The following NAALADL2 variants were observed in gnomAD, a reference collection of about 807,000 sequenced individuals.
The protein encoded by NAALADL2 is N-acetylated alpha-linked acidic dipeptidase like 2, also known as inactive N-acetylated-alpha-linked acidic dipeptidase-like protein 2.
A neutral mutation model predicts 87.2 loss-of-function variants in NAALADL2; 76 were observed. The observed-to-expected ratio is 0.87, with a 90% confidence interval of 0.72 to 1.05. The LOEUF is 1.05. Among genes scored for constraint, NAALADL2 ranks in the 50% least tolerant of loss-of-function variants. NAALADL2 has a pLI of 0.00. For missense variants in NAALADL2, 1,089 were observed against 945.8 expected (o/e 1.15, Z -1.99); for synonymous variants, 354 against 331.0 (o/e 1.07, Z -0.75).
chr3:175,549,834 A>C (rs1176765701), intron 9 of NAALADL2, among the ~76,000 whole-genome samples: 1 of 152,062 alleles, frequency 6.6e-6, no homozygotes, highest in Non-Finnish European at 1.5e-5. Flanking sequence ...TCAATCACTG[A>C]CTGGGGCCTG....
chr3:175,743,894 T>A (rs1745583346), intron 12 of NAALADL2, among the ~76,000 whole-genome samples: 1 of 152,216 alleles, frequency 6.6e-6, no homozygotes, highest in South Asian at 2.1e-4. Flanking sequence ...TATCTCTATG[T>A]GGATATTGAC....
chr3:175,611,394 T>C (rs1440105091), intron 10 of NAALADL2, among the ~76,000 whole-genome samples: 1 of 152,126 alleles, frequency 6.6e-6, no homozygotes, highest in Non-Finnish European at 1.5e-5. Context: ...AAACAGTTTT[T>C]CTATTTTTTT....
At chr3:175,506,872 C>A (rs1205091479) in intron 9 of NAALADL2, among the ~76,000 whole-genome samples, 1 of 152,078 alleles carries the variant, frequency 6.6e-6, no homozygotes, top group African/African-American at 2.4e-5. Context: ...TACCTTTTAG[C>A]CTCACTTGCT....
Position 175,330,438 on chromosome 3 carries a change from G to T in NAALADL2, c.1090+6113G>T, listed in dbSNP as rs189694240. Among the ~76,000 whole-genome samples the T allele has an allele frequency of 6.0e-3, 728 of 122,156 alleles. 2 individuals are homozygous for T. Among genetic ancestry groups the T allele is most frequent in the Non-Finnish European group, 7.7e-3 (470 of 60,648 alleles). The allele number at this position is 122,156 out of a possible 152,430, so 80.1% of individuals were successfully genotyped here. A position where few individuals can be genotyped will look rare whatever the true frequency, so the allele number is the denominator to read the frequency against. Reference sequence around the variant, plus strand: ...AGCCTTGGTTACAGAGCTAGACTCTGTCTTAAAAAAAAAAAAATTGAAATC... The same window carrying T: ...AGCCTTGGTTACAGAGCTAGACTCTTTCTTAAAAAAAAAAAAATTGAAATC... On this transcript the variant is annotated intron_variant, in intron 5 of 13. Transcript: ENST00000454872.
At chr3:175,525,721 T>A (rs1335144768) in intron 9 of NAALADL2, among the ~76,000 whole-genome samples, 2 of 152,114 alleles carry the variant, frequency 1.3e-5, no homozygotes, top group Non-Finnish European at 2.9e-5. Flanking sequence ...TATATAAATG[T>A]TTTCCTATAA....
chr3:175,066,099 T>C (rs1240799804), intron 1 of NAALADL2, among the ~76,000 whole-genome samples: 1 of 152,144 alleles, frequency 6.6e-6, no homozygotes, highest in Non-Finnish European at 1.5e-5. Flanking sequence ...TCCTGAAATG[T>C]AGCCACTCTG....
chr3:175,524,302 T>C (rs1560701569), intron 9 of NAALADL2, among the ~76,000 whole-genome samples: 1 of 152,196 alleles, frequency 6.6e-6, no homozygotes, highest in Admixed American at 6.5e-5. Context: ...AATATTAGAT[T>C]ATCTAGAGCA....
intron 5 of NAALADL2, among the ~76,000 whole-genome samples, chr3:175,410,877 T>G (rs1713384288): frequency 6.6e-6 from 1 of 152,140 alleles, no homozygotes; most frequent in Non-Finnish European, 1.5e-5. Context: ...CCCTCTTTTT[T>G]GCAAAGAGTA....
chr3:175,153,374 A>G (rs1206886045), intron 2 of NAALADL2, among the ~76,000 whole-genome samples: 3 of 152,144 alleles, frequency 2.0e-5, no homozygotes, highest in Non-Finnish European at 4.4e-5. Context: ...CTTACCCACA[A>G]GCAGTTAAGG....
chr3:175,085,315 T>C (rs1315160118), intron 1 of NAALADL2, among the ~76,000 whole-genome samples: 2 of 152,186 alleles, frequency 1.3e-5, no homozygotes, highest in Non-Finnish European at 2.9e-5. Flanking sequence ...TTGTGTGCTG[T>C]TTTTCCTGTT....
At chr3:175,602,454 GTATC>G (rs1484660066) in intron 10 of NAALADL2, among the ~76,000 whole-genome samples, 2 of 77,172 alleles carry the variant, frequency 2.6e-5, no homozygotes, top group Admixed American at 1.5e-4. Context: ...TTGTATGTGT[GTATC>G]TATATATATA....
At position 175,087,253 on chromosome 3, in the gene NAALADL2, C is replaced by T. The variant is rs1444055907; in HGVS notation, c.44-9537C>T. 7.9e-5 allele frequency among the ~76,000 whole-genome samples: 12 copies of T among 152,172 alleles called. No individual in the cohort carries two copies. The East Asian group carries it at 2.3e-3, about 30-fold the overall frequency. ...TGAGGAAGGTGGGGGGCAGCCCCTG[C>T]CCGGCCAGCTGCCCTGCCCGGGAGG... On this transcript the variant is annotated intron_variant, in intron 1 of 13. Coordinates refer to ENST00000454872, the MANE Select transcript of NAALADL2 (RefSeq NM_207015.3).
chr3:175,766,741 C>T (rs189499200), intron 13 of NAALADL2, among the ~76,000 whole-genome samples: 245 of 152,190 alleles, frequency 1.6e-3, no homozygotes, highest in Admixed American at 3.0e-3. Flanking sequence ...TTTCTTTGTA[C>T]TGAAGCACCT....
At chr3:174,801,673 C>G (rs1382958402) in intron 3 of NAALADL2, among the ~76,000 whole-genome samples, 1 of 151,928 alleles carries the variant, frequency 6.6e-6, no homozygotes, top group Non-Finnish European at 1.5e-5. Context: ...TCCTTCTATT[C>G]CTGGTATTTT....
intron 1 of NAALADL2, among the ~76,000 whole-genome samples, chr3:174,888,108 T>A (rs911245882): frequency 6.6e-6 from 1 of 152,154 alleles, no homozygotes; most frequent in Non-Finnish European, 1.5e-5. Context: ...AATGTGAGGA[T>A]CACGGGAAAA....
rs1272535418 is a variant in NAALADL2, at chr3:174,698,678, A to C, written c.-114-38963A>C. ...AGGAGATCGAGACCATCCCGGCTAA[A>C]ATGGTGAAACCCCGTCTCTACTAAA... On this transcript the variant is annotated intron_variant, in intron 2 of 3. Transcript: ENST00000434257. Among the ~76,000 whole-genome samples, 11 of 104,786 alleles carry C rather than the reference A, an allele frequency of 1.0e-4. 1 individual carries two copies. Among genetic ancestry groups the C allele is most frequent in the African/African-American group, 1.1e-4 (2 of 17,640 alleles). 68.7% of individuals were successfully genotyped at this position (104,786 alleles called of 152,430 possible). A position where few individuals can be genotyped will look rare whatever the true frequency, so the allele number is the denominator to read the frequency against.
intron 2 of NAALADL2, among the ~76,000 whole-genome samples, chr3:174,615,840 G>A (rs973914702): frequency 2.0e-5 from 3 of 151,932 alleles, no homozygotes; most frequent in African/African-American, 2.4e-5. Context: ...AGTTTACTTA[G>A]TAACTAAGTA....
chr3:175,170,496 A>G (rs1446289154), intron 2 of NAALADL2, among the ~76,000 whole-genome samples: 1 of 147,312 alleles, frequency 6.8e-6, no homozygotes, highest in Non-Finnish European at 1.5e-5. Flanking sequence ...TAAATATAAT[A>G]TATATATACA....
chr3:175,084,037 T>C (rs1379673456), intron 1 of NAALADL2, among the ~76,000 whole-genome samples: 1 of 152,130 alleles, frequency 6.6e-6, no homozygotes, highest in African/African-American at 2.4e-5. Context: ...AGAATGGAAG[T>C]GTAGGCCAGG....
Sources: gnomAD v4.1 joint callset for allele counts (sites outside exome capture counted in the v4.1 genomes callset) on GRCh38, gnomAD v4.1.1 for gene constraint, MANE v1.5 for transcripts, NCBI Gene and HGNC (gene_info 2026-07-23, HGNC 2026-07-21) for gene names.